FALEC: variants seen among roughly 807,000 people sequenced by gnomAD.
The protein encoded by FALEC is focally amplified lncRNA regulator of ECM1.
the FALEC span, among the ~76,000 whole-genome samples, chr1:150,529,165 A>C: frequency 6.6e-6 from 1 of 152,190 alleles, no homozygotes; most frequent in Non-Finnish European, 1.5e-5. Flanking sequence ...ATCATTAAAG[A>C]AGGGTTGGAA....
the FALEC span, among the ~76,000 whole-genome samples, chr1:150,532,889 GCTT>G: frequency 9.2e-5 from 14 of 152,214 alleles, no homozygotes; most frequent in African/African-American, 3.4e-4. Flanking sequence ...TTCTAATGCT[GCTT>G]CTTGGAGGAA....
chr1:150,523,509 G>C, the FALEC span, among the ~76,000 whole-genome samples: 10 of 151,316 alleles, frequency 6.6e-5, no homozygotes, highest in Admixed American at 6.6e-4. Context: ...ACAAAAATTA[G>C]CCATGCATGG....
the FALEC span, among the ~76,000 whole-genome samples, chr1:150,529,956 C>T: frequency 6.6e-6 from 1 of 152,006 alleles, no homozygotes; most frequent in African/African-American, 2.4e-5. Context: ...TTTTCTGGGG[C>T]GAGTATCTGT....
chr1:150,518,037 G>A (rs1049888924), downstream of FALEC: 1 of 152,172 alleles, frequency 6.6e-6, no homozygotes, highest in African/African-American at 2.4e-5. Flanking sequence ...ATGTCTCCTA[G>A]ATATCACAAA....
the FALEC span, among the ~76,000 whole-genome samples, chr1:150,524,540 A>G: frequency 1.3e-5 from 2 of 152,292 alleles, no homozygotes; most frequent in South Asian, 2.1e-4. Flanking sequence ...AATATCCAGA[A>G]CTCATACCTC....
chr1:150,519,360 A>T (rs181277580), downstream of FALEC, among the ~76,000 whole-genome samples: 9 of 152,214 alleles, frequency 5.9e-5, no homozygotes. Context: ...GCATACCATT[A>T]ATTCACCCAT....
chr1:150,516,604 A>G (rs146194589), intron 1 of FALEC, among the ~76,000 whole-genome samples: 2,575 of 152,332 alleles, frequency 0.017, 74 homozygotes, highest in African/African-American at 0.056. Context: ...GAACGTGTTA[A>G]CATTCACTGC....
At chr1:150,534,199 G>A in the FALEC span, among the ~76,000 whole-genome samples, 1 of 152,172 alleles carries the variant, frequency 6.6e-6, no homozygotes, top group East Asian at 1.9e-4. Context: ...CTGGAGAGGT[G>A]GGGTGCAGGA....
At chr1:150,517,763 T>C (rs1304989695) in intron 1 of FALEC, 1 of 152,250 alleles carries the variant, frequency 6.6e-6, no homozygotes, top group Non-Finnish European at 1.5e-5. Flanking sequence ...CTGTCTATGG[T>C]ACTTCACAGC....
the FALEC span, among the ~76,000 whole-genome samples, chr1:150,532,009 A>G: frequency 6.6e-6 from 1 of 152,180 alleles, no homozygotes; most frequent in Non-Finnish European, 1.5e-5. Flanking sequence ...GGTTCACGCC[A>G]TTCTCCTGCC....
chr1:150,520,284 C>T (rs915303444), downstream of FALEC, among the ~76,000 whole-genome samples: 12 of 152,174 alleles, frequency 7.9e-5, no homozygotes, highest in African/African-American at 2.9e-4. Flanking sequence ...ACTTTTCCAT[C>T]ACCCCAAACA....
chr1:150,528,846 C>T, the FALEC span, among the ~76,000 whole-genome samples: 1 of 151,662 alleles, frequency 6.6e-6, no homozygotes, highest in Non-Finnish European at 1.5e-5. Flanking sequence ...TTCGGCCTCC[C>T]AAAGTGCTGG....
At chr1:150,524,542 T>C in the FALEC span, among the ~76,000 whole-genome samples, 1 of 152,044 alleles carries the variant, frequency 6.6e-6, no homozygotes, top group South Asian at 2.1e-4. Context: ...TATCCAGAAC[T>C]CATACCTCAA....
the FALEC span, among the ~76,000 whole-genome samples, chr1:150,531,115 G>A: frequency 6.6e-6 from 1 of 152,204 alleles, no homozygotes; most frequent in Non-Finnish European, 1.5e-5. Context: ...ACACATCTAA[G>A]GGAAGGGAGA....
At chr1:150,533,456 G>A in the FALEC span, among the ~76,000 whole-genome samples, 1 of 84,158 alleles carries the variant, frequency 1.2e-5, no homozygotes, top group Non-Finnish European at 2.4e-5. Context: ...TTTTTTTTGA[G>A]ATGGAGTCTC....
downstream of FALEC, among the ~76,000 whole-genome samples, chr1:150,518,792 C>T (rs374155401): frequency 8.3e-4 from 127 of 152,200 alleles, no homozygotes; most frequent in Non-Finnish European, 9.6e-4. Flanking sequence ...CGCTGTGGCT[C>T]ACGCCTGTAA....
chr1:150,520,681 A>G (rs1158048309), downstream of FALEC, among the ~76,000 whole-genome samples: 2 of 152,134 alleles, frequency 1.3e-5, no homozygotes, highest in Admixed American at 6.6e-5. Context: ...GAATGGAATC[A>G]GAATAATTAC....
At chr1:150,520,145 C>A (rs754221241), downstream of FALEC, among the ~76,000 whole-genome samples, 17 of 152,164 alleles carry the variant, frequency 1.1e-4, no homozygotes, top group African/African-American at 3.9e-4. Context: ...AGTGAAACTC[C>A]GTCTCAAAAA....
intron 1 of FALEC, among the ~76,000 whole-genome samples, chr1:150,517,366 G>A (rs1376711683): frequency 6.6e-6 from 1 of 151,706 alleles, no homozygotes; most frequent in African/African-American, 2.4e-5. Flanking sequence ...CTCTTCAGGA[G>A]ATAGGGTTGA....
Sources: gnomAD v4.1 joint callset for allele counts (sites outside exome capture counted in the v4.1 genomes callset) on GRCh38, gnomAD v4.1.1 for gene constraint, MANE v1.5 for transcripts, NCBI Gene and HGNC (gene_info 2026-07-23, HGNC 2026-07-21) for gene names.